Variants in RMND1 observed in about 807,000 individuals in gnomAD.
The protein encoded by RMND1 is required for meiotic nuclear division 1 homolog.
A neutral mutation model predicts 54.0 loss-of-function variants in RMND1; 41 were observed. The observed-to-expected ratio is 0.76, with a 90% CI of 0.59 to 0.98. RMND1 has a LOEUF of 0.98. RMND1 is among the 50% of genes least tolerant of loss of function. The pLI is 0.00. For missense variants in RMND1, 457 were observed against 532.0 expected, an observed-to-expected ratio of 0.86 and a Z score of 1.39; for synonymous variants, 183 against 181.7, an observed-to-expected ratio of 1.01 and a Z score of -0.06.
In RMND1 at chr6:151,427,550, A is replaced by T; in HGVS notation, c.762T>A (p.His254Gln). 1 of 1,611,710 alleles carries T rather than the reference A, an allele frequency of 6.2e-7. No homozygotes were observed. Among genetic ancestry groups the T allele is most frequent in the Non-Finnish European group, 8.5e-7 (1 of 1,178,194 alleles). The change falls in exon 6 of 12, where the codon CAT becomes CAA. Residue 254 changes from histidine to glutamine, a missense_variant. By Grantham distance (24) the His-to-Gln change is conservative. Coordinates refer to ENST00000444024, the MANE Select transcript of RMND1 (RefSeq NM_017909.4). ...GTGCGATTTCATAGGGCTGAATTTC[A>T]TGTTTTTCTAGAACTTTCATCACAT... Reference protein sequence around the residue: ...MKHVMKVLEKHEIQPYEIALV... With the variant: ...MKHVMKVLEKQEIQPYEIALV...
In RMND1 at chr6:151,427,515, C is replaced by T; in HGVS notation, c.797G>A (p.Trp266Ter). The T allele has an allele frequency of 1.2e-6, 2 of 1,611,614 alleles. No homozygotes were observed. The highest frequency in any genetic ancestry group is 1.7e-6 in the Non-Finnish European group (2 of 1,178,074). ...TATGTAGTTAAGTTCTTCATTTTCC[C>T]AGTGTACCAGTGCGATTTCATAGGG... ...IQPYEIALVH[W>*]ENEELNYIKI... Residue 266 changes from tryptophan to a stop codon, truncating the protein, a stop_gained, in exon 6 of 12, where the codon TGG becomes TAG. Coordinates refer to ENST00000444024, the MANE Select transcript of RMND1 (RefSeq NM_017909.4). LOFTEE classifies it high-confidence loss of function.
chr6:151,433,355 C>A (rs937830684), intron 3 of RMND1, 125 bp from the exon 4 acceptor site: 5 of 512,820 alleles, frequency 9.8e-6, no homozygotes, highest in African/African-American at 9.7e-5. Context: ...TGCTCTGTAA[C>A]ACAATCACCA....
At chr6:151,413,215 T>C (rs1188876682) in intron 10 of RMND1, among the ~76,000 whole-genome samples, 1 of 152,184 alleles carries the variant, frequency 6.6e-6, no homozygotes, top group Admixed American at 6.5e-5. Context: ...CTGCACTGAT[T>C]CCTGACCCAC....
intron 10 of RMND1, among the ~76,000 whole-genome samples, chr6:151,407,151 C>T (rs1252999904): frequency 6.6e-6 from 1 of 151,676 alleles, no homozygotes; most frequent in African/African-American, 2.4e-5. Context: ...GAGATCCTGT[C>T]TCCAAAAAAA....
At chr6:151,410,220 A>G (rs1269495656) in intron 10 of RMND1, among the ~76,000 whole-genome samples, 1 of 151,940 alleles carries the variant, frequency 6.6e-6, no homozygotes, top group African/African-American at 2.4e-5. Flanking sequence ...ACGCCCAGCT[A>G]ATTTTTTTGT....
chr6:151,408,572 G>T (rs1779708290), intron 10 of RMND1: 1 of 152,178 alleles, frequency 6.6e-6, no homozygotes, highest in Non-Finnish European at 1.5e-5. Flanking sequence ...CTAATTCTTG[G>T]AACCTGTGAA....
At chr6:151,422,013 G>T (rs1199530245) in intron 8 of RMND1, among the ~76,000 whole-genome samples, 1 of 151,952 alleles carries the variant, frequency 6.6e-6, no homozygotes, top group Admixed American at 6.6e-5. Flanking sequence ...GTTTTAAAAA[G>T]TAAAAAGTAA....
At chr6:151,450,728 G>C (rs572431866) in intron 1 of RMND1, among the ~76,000 whole-genome samples, 56 of 151,782 alleles carry the variant, frequency 3.7e-4, no homozygotes, top group African/African-American at 1.2e-3. Flanking sequence ...AGAACGGGAC[G>C]GGATGACAAT....
At chr6:151,447,022 C>T (rs528633185) in intron 1 of RMND1, among the ~76,000 whole-genome samples, 10 of 152,040 alleles carry the variant, frequency 6.6e-5, no homozygotes, top group Non-Finnish European at 1.5e-4. Flanking sequence ...GGAAAATGAA[C>T]GAGATGCACA....
At chr6:151,422,675 C>T in intron 7 of RMND1, 70 bp from the exon 8 acceptor site, 1 of 649,340 alleles carries the variant, frequency 1.5e-6, no homozygotes, top group South Asian at 2.4e-5. Context: ...TACATAATTG[C>T]ACAGCATCTT....
chr6:151,408,667 A>G (rs1189728598), intron 10 of RMND1: 1 of 152,272 alleles, frequency 6.6e-6, no homozygotes, highest in Non-Finnish European at 1.5e-5. Flanking sequence ...ATCCTAGATT[A>G]TCTGGGTAAG....
Position 151,422,618 on chromosome 6 carries a change from T to C in RMND1, c.938-13A>G. 7.3e-7 allele frequency: 1 copy of C among 1,368,648 alleles called. No individual in the cohort carries two copies. The highest frequency in any genetic ancestry group is 1.0e-6 in the Non-Finnish European group (1 of 993,028). The allele number at this position is 1,368,648 out of a possible 1,614,324, so 84.8% of individuals were successfully genotyped here. A position where few individuals can be genotyped will look rare whatever the true frequency, so the allele number is the denominator to read the frequency against. On this transcript the variant is annotated splice_polypyrimidine_tract_variant and intron_variant, in intron 7 of 11. Transcript: ENST00000444024. ...ATTGCCAGTTTTACTGGGAAAAAAATTAATAATGGAACATTTCTTTATCAT... is the reference window on the plus strand; with the variant it reads ...ATTGCCAGTTTTACTGGGAAAAAAACTAATAATGGAACATTTCTTTATCAT...
chr6:151,435,519 A>G (rs1454241511), intron 3 of RMND1, among the ~76,000 whole-genome samples: 1 of 151,756 alleles, frequency 6.6e-6, no homozygotes, highest in East Asian at 1.9e-4. Context: ...AAAATCCTCA[A>G]TTAAGTTCAT....
chr6:151,420,274 G>C (rs1780119000), intron 9 of RMND1, among the ~76,000 whole-genome samples: 1 of 152,128 alleles, frequency 6.6e-6, no homozygotes, highest in South Asian at 2.1e-4. Context: ...CCTGATGGAT[G>C]GGTTTTTAAG....
At position 151,417,121 on chromosome 6, in the gene RMND1, C is replaced by T. The variant is rs190208482; in HGVS notation, c.1200+158G>A. Reference sequence around the variant, plus strand: ...GAGCTAATATCAGAAGATCCTTTGACACAAAAAATTGAAGTGACTGTACAG... The same window carrying T: ...GAGCTAATATCAGAAGATCCTTTGATACAAAAAATTGAAGTGACTGTACAG... On this transcript the variant is annotated intron_variant, in intron 10 of 11. Coordinates refer to ENST00000444024, the MANE Select transcript of RMND1 (RefSeq NM_017909.4). 7.1e-6 allele frequency: 5 copies of T among 705,840 alleles called. 1 individual carries two copies. The Admixed American group carries it at 1.6e-4, about 23-fold the overall frequency. 43.7% of individuals were successfully genotyped at this position (705,840 alleles called of 1,614,324 possible).
chr6:151,414,971 TAC>T (rs1029592584), intron 10 of RMND1, among the ~76,000 whole-genome samples: 10 of 151,718 alleles, frequency 6.6e-5, no homozygotes, highest in Admixed American at 5.9e-4. Flanking sequence ...AGAAAATTAA[TAC>T]ACTCTCAGAT....
intron 6 of RMND1, among the ~76,000 whole-genome samples, chr6:151,426,461 C>G (rs1172463332): frequency 6.6e-6 from 1 of 152,164 alleles, no homozygotes; most frequent in Non-Finnish European, 1.5e-5. Context: ...CTTCTTCCAG[C>G]ACCCACACTT....
intron 3 of RMND1, chr6:151,436,196 C>A: frequency 2.6e-6 from 1 of 391,392 alleles, no homozygotes; most frequent in South Asian, 3.1e-5. Context: ...GTAGTATGAC[C>A]TCTGACCACC....
At chr6:151,410,863 A>G (rs1306309113) in intron 10 of RMND1, among the ~76,000 whole-genome samples, 3 of 152,182 alleles carry the variant, frequency 2.0e-5, no homozygotes, top group Non-Finnish European at 1.5e-5. Flanking sequence ...TTATTCTGGT[A>G]GCTTCTTTGT....
Sources: gnomAD v4.1 joint callset for allele counts (sites outside exome capture counted in the v4.1 genomes callset) on GRCh38, gnomAD v4.1.1 for gene constraint, MANE v1.5 for transcripts, NCBI Gene and HGNC (gene_info 2026-07-23, HGNC 2026-07-21) for gene names.